Variants in SMARCB1 observed in about 807,000 individuals in gnomAD.
The protein encoded by SMARCB1 is SWI/SNF-related matrix-associated actin-dependent regulator of chromatin subfamily B member 1.
SMARCB1 carries 5 observed loss-of-function variants against 49.0 expected under a neutral mutation model. That is an observed-to-expected ratio of 0.10 (90% CI 0.05 to 0.21). The LOEUF (loss-of-function observed/expected upper bound fraction) is 0.21, where lower values mean the gene tolerates loss of function less well. Ranked by LOEUF, SMARCB1 falls within the 10% of genes least tolerant of loss-of-function variation. The pLI is 1.00. For synonymous variants in SMARCB1, 201 were observed against 200.1 expected (o/e 1.00, Z -0.04); for missense variants, 226 against 509.2 (o/e 0.44, Z 5.35).
At chr22:23,825,472 A>G (rs2030334724) in intron 7 of SMARCB1, 57 bp downstream of exon 7, 2 of 1,482,000 alleles carry the variant, frequency 1.3e-6, no homozygotes, top group Non-Finnish European at 1.9e-6. Context: ...TGTTTTGAGA[A>G]AGACTTCTCT....
intron 1 of SMARCB1, among the ~76,000 whole-genome samples, chr22:23,787,489 C>T (rs1928086942): frequency 6.6e-6 from 1 of 152,222 alleles, no homozygotes; most frequent in Admixed American, 6.5e-5. Flanking sequence ...GCCTTCAGTG[C>T]TGCCAAGATT....
Position 23,835,794 on chromosome 22 carries a change from A to C in SMARCB1, c.*1614A>C. On this transcript the variant is annotated 3_prime_UTR_variant, in exon 9 of 9. Transcript: ENST00000644036. ...TCTCCACAACTGGGGGGATGGAAGG[A>C]ACCTTGGCTGCCTCACCCCACAGGT... is the stretch of plus-strand genomic sequence containing the variant. 1 of 985,492 alleles carries C rather than the reference A, an allele frequency of 1.0e-6. No individual in the cohort carries two copies. Among genetic ancestry groups the C allele is most frequent in the Non-Finnish European group, 1.2e-6 (1 of 829,962 alleles). The allele number at this position is 985,492 out of a possible 1,614,324, so 61.0% of individuals were successfully genotyped here.
At position 23,834,920 on chromosome 22, in the gene SMARCB1, G is replaced by T; in HGVS notation, c.*740G>T. 1 of 1,610,048 alleles carries T rather than the reference G, an allele frequency of 6.2e-7. No homozygotes were observed. On this transcript the variant is annotated 3_prime_UTR_variant, in exon 9 of 9. Coordinates refer to ENST00000644036, the MANE Select transcript of SMARCB1 (RefSeq NM_003073.5). ...GGCTACTGCCAGCTGGGGCCTTGCTGCTCTGAAGTCCCCTGCGGAGGGCCC... is the reference window on the plus strand; with the variant it reads ...GGCTACTGCCAGCTGGGGCCTTGCTTCTCTGAAGTCCCCTGCGGAGGGCCC...
intron 3 of SMARCB1, among the ~76,000 whole-genome samples, chr22:23,795,669 TAAAATAAAAAATAAATAAATAA>T (rs1928696884): frequency 2.1e-5 from 3 of 144,838 alleles, no homozygotes; most frequent in African/African-American, 7.8e-5. Flanking sequence ...AATAATAAAA[TAAAATAAAAAATAAATAAATAA>T]AAAATAAAAA....
intron 5 of SMARCB1, among the ~76,000 whole-genome samples, chr22:23,807,642 AC>A (rs1458503710): frequency 6.6e-6 from 1 of 152,088 alleles, no homozygotes; most frequent in East Asian, 1.9e-4. Flanking sequence ...GTGAAGCCCA[AC>A]ATGATTAACC....
chr22:23,794,439 T>C (rs1017013953), intron 3 of SMARCB1, among the ~76,000 whole-genome samples: 1 of 152,058 alleles, frequency 6.6e-6, no homozygotes, highest in African/African-American at 2.4e-5. Flanking sequence ...TCCCAGCGCT[T>C]TGGGAGGCCG....
In SMARCB1 at chr22:23,834,151, C is replaced by A. The variant is rs1601446826; in HGVS notation, c.1129C>A (p.Arg377Ser). The change falls in exon 9 of 9, where the codon CGT (arginine) becomes AGT (serine). Residue 377 changes from arginine (R) to serine (S), a missense_variant. By Grantham distance (110) the Arg-to-Ser change is moderately radical (BLOSUM62 -1). Coordinates refer to ENST00000644036, the MANE Select transcript of SMARCB1 (RefSeq NM_003073.5). Reference sequence around the variant, plus strand: ...CCACTCCTCTTCCAGGCGGATGAGGCGTCTTGCCAACACGGCCCCGGCCTG... The same window carrying A: ...CCACTCCTCTTCCAGGCGGATGAGGAGTCTTGCCAACACGGCCCCGGCCTG... The part of the protein sequence containing the change: ...DQDRNTRRMR[R>S]LANTAPAW 1 of 1,593,658 alleles carries A rather than the reference C, an allele frequency of 6.3e-7. No homozygotes were observed. Among genetic ancestry groups the A allele is most frequent in the Non-Finnish European group, 8.5e-7 (1 of 1,170,418 alleles).
rs1399709199 is a variant in SMARCB1 at position 23,835,477 on chromosome 22, G to A, written c.*1297G>A. The A allele has an allele frequency of 2.0e-6, 2 of 985,700 alleles. No homozygotes were observed. The highest frequency in any genetic ancestry group is 1.1e-4 in the East Asian group (1 of 8,828). 61.1% of individuals were successfully genotyped at this position (985,700 alleles called of 1,614,324 possible). On this transcript the variant is annotated 3_prime_UTR_variant, in exon 9 of 9. Transcript: ENST00000644036. ...GGGCAGAGGCAGAGCTCTGATTAGG[G>A]ATTGGGGTTCTTGGTCGCTGAGATG...
Position 23,791,907 on chromosome 22 carries a change from G to C in SMARCB1, c.232+13G>C, listed in dbSNP as rs1235856871. The C allele has an allele frequency of 6.2e-7, 1 of 1,613,762 alleles. No homozygotes were observed. Among genetic ancestry groups the C allele is most frequent in the Admixed American group, 1.7e-5 (1 of 60,024 alleles). ...CCTAACACTAAGGGTGCGTCTTCAC[G>C]AGGGTTTGTAAACCTGTTTCAAAAC... On this transcript the variant is annotated intron_variant, in intron 2 of 8. Transcript: ENST00000644036.
Position 23,823,064 on chromosome 22 carries a change from C to T in SMARCB1, c.796-2161C>T, listed in dbSNP as rs2030189745. ...ACCTGAGCTCCAGTGATCTTCCCAC[C>T]TCAGCCTCCCAAGTAACTGAGACTA... On this transcript the variant is annotated intron_variant, in intron 6 of 8. Coordinates refer to ENST00000644036, the MANE Select transcript of SMARCB1 (RefSeq NM_003073.5). 4.1e-5 allele frequency: 6 copies of T among 145,064 alleles called. No individual in the cohort carries two copies. The Admixed American group carries it at 4.3e-4, about 10-fold the overall frequency. The allele number at this position is 145,064 out of a possible 1,614,324, so 9.0% of individuals were successfully genotyped here. A position where few individuals can be genotyped will look rare whatever the true frequency, so the allele number is the denominator to read the frequency against.
At chr22:23,803,600 T>C (rs1363313160) in intron 5 of SMARCB1, 178 bp downstream of exon 5, 5 of 756,344 alleles carry the variant, frequency 6.6e-6, no homozygotes, top group Non-Finnish European at 1.1e-5. Context: ...TGCTGTTCAC[T>C]GTGGATTGGG....
chr22:23,832,062 T>C (rs999457545), intron 7 of SMARCB1, among the ~76,000 whole-genome samples: 1 of 152,170 alleles, frequency 6.6e-6, no homozygotes, highest in African/African-American at 2.4e-5. Context: ...CCCTGCGCTG[T>C]GCCCACAGTC....
chr22:23,810,650 CCT>C (rs1929817869), intron 5 of SMARCB1, among the ~76,000 whole-genome samples: 1 of 152,152 alleles, frequency 6.6e-6, no homozygotes, highest in East Asian at 1.9e-4. Flanking sequence ...ACTTTCCTCT[CCT>C]CTTGGGTTTA....
intron 6 of SMARCB1, among the ~76,000 whole-genome samples, chr22:23,821,507 C>T (rs1369840516): frequency 6.6e-6 from 1 of 151,952 alleles, no homozygotes; most frequent in African/African-American, 2.4e-5. Context: ...GTAGTTGGAA[C>T]TATAAGCACG....
intron 5 of SMARCB1, among the ~76,000 whole-genome samples, chr22:23,811,644 A>G (rs555369738): frequency 6.6e-6 from 1 of 152,226 alleles, no homozygotes; most frequent in Non-Finnish European, 1.5e-5. Context: ...AAACATACAC[A>G]GACCTAAATG....
At position 23,790,462 on chromosome 22, in the gene SMARCB1, C is replaced by T. The variant is rs545821147; in HGVS notation, c.94-1294C>T. ...TATAATCCTAGCACTTTGGGAGGCC[C>T]AGGCAGGAGAATCACTTGAACCCAG... On this transcript the variant is annotated intron_variant, in intron 1 of 8. Coordinates refer to ENST00000644036, the MANE Select transcript of SMARCB1 (RefSeq NM_003073.5). Among the ~76,000 whole-genome samples the T allele has an allele frequency of 7.2e-5, 11 of 152,234 alleles. No individual in the cohort carries two copies. The East Asian group carries it at 2.1e-3, about 29-fold the overall frequency.
intron 5 of SMARCB1, among the ~76,000 whole-genome samples, chr22:23,809,956 G>T (rs1452085032): frequency 3.3e-5 from 5 of 150,950 alleles, no homozygotes; most frequent in Middle Eastern, 3.3e-3. Flanking sequence ...GGATCACGAG[G>T]TCAGGAATTG....
Position 23,836,592 on chromosome 22 carries a change from T to C in SMARCB1, c.*2412T>C, listed in dbSNP as rs763794922. 1 of 1,169,762 alleles carries C rather than the reference T, an allele frequency of 8.5e-7. No homozygotes were observed. The highest frequency in any genetic ancestry group is 1.1e-6 in the Non-Finnish European group (1 of 949,934). The allele number at this position is 1,169,762 out of a possible 1,614,324, so 72.5% of individuals were successfully genotyped here. On this transcript the variant is annotated 3_prime_UTR_variant, in exon 9 of 9. Transcript: ENST00000644036. The stretch of plus-strand genomic sequence containing the variant: ...AGCTCAAAGCTCTGCCAGGCAACCA[T>C]GGGCAGTTTCTTTGCCCTCTGTGGG...
At chr22:23,803,706 A>G in intron 5 of SMARCB1, 2 of 509,218 alleles carry the variant, frequency 3.9e-6, no homozygotes, top group Non-Finnish European at 7.2e-6. Context: ...GATGATGATG[A>G]CAATGCCAGT....
Sources: gnomAD v4.1 joint callset for allele counts (sites outside exome capture counted in the v4.1 genomes callset) on GRCh38, gnomAD v4.1.1 for gene constraint, MANE v1.5 for transcripts, NCBI Gene and HGNC (gene_info 2026-07-23, HGNC 2026-07-21) for gene names.